SCN9A: variants seen among roughly 807,000 people sequenced by gnomAD.
SCN9A encodes the protein sodium voltage-gated channel alpha subunit 9, also known as sodium channel protein type 9 subunit alpha.
In SCN9A, 131 loss-of-function variants were observed where a neutral mutation model predicts 187.0. The observed-to-expected ratio is 0.70, with a 90% CI of 0.61 to 0.81. SCN9A has a LOEUF of 0.81. SCN9A is among the 30% of genes least tolerant of loss of function. The pLI is 0.00. For synonymous variants in SCN9A, 809 were observed against 808.6 expected (o/e 1.00, Z -0.01); for missense variants, 2,252 against 2,396.6 (o/e 0.94, Z 1.26).
chr2:166,254,212 TAACATG>T (rs1437971581), intron 17 of SCN9A, among the ~76,000 whole-genome samples: 1 of 151,666 alleles, frequency 6.6e-6, no homozygotes, highest in Admixed American at 6.6e-5. Flanking sequence ...TCAAAATATT[TAACATG>T]AACTATTATT....
intron 16 of SCN9A, among the ~76,000 whole-genome samples, chr2:166,276,164 A>G (rs1418648110): frequency 6.6e-6 from 1 of 152,150 alleles, no homozygotes; most frequent in South Asian, 2.1e-4. Context: ...GAAGAAAAAA[A>G]ATAAAAAAAA....
intron 24 of SCN9A, among the ~76,000 whole-genome samples, chr2:166,216,358 A>G (rs1694331712): frequency 6.6e-6 from 1 of 152,062 alleles, no homozygotes; most frequent in African/African-American, 2.4e-5. Context: ...CTTCTTTTTG[A>G]CATAGTACTA....
chr2:166,221,825 T>A (rs80066417), intron 24 of SCN9A, among the ~76,000 whole-genome samples: 2 of 151,998 alleles, frequency 1.3e-5, no homozygotes, highest in Non-Finnish European at 1.5e-5. Context: ...CATGCATAAA[T>A]AGTTAACTCA....
chr2:166,199,845 C>A lies in SCN9A; in HGVS notation c.4794G>T (p.Leu1598Phe). The A allele has an allele frequency of 3.1e-6, 5 of 1,613,598 alleles. No individual in the cohort carries two copies. The highest frequency in any genetic ancestry group is 4.2e-6 in the Non-Finnish European group (5 of 1,179,814). Residue 1598 changes from leucine to phenylalanine, a missense_variant, in exon 27 of 27, where the codon TTG (leucine) becomes TTT (phenylalanine). Transcript: ENST00000642356. ...TAGGGGACACAAAATACGTTTCAAT[C>A]AAATCAGCTAGAAACATACCTGTAT... ...ISIVGMFLAD[L>F]IETYFVSPTL...
rs73969654 is a variant in SCN9A at position 166,283,739 on chromosome 2, T to C, written c.1974+714A>G. ...TGAAAACAGTTATGTTTCATTTATA[T>C]GGAGGACCTAATACATAGCCATTCT... On this transcript the variant is annotated intron_variant, in intron 12 of 26. Transcript: ENST00000642356. Among the ~76,000 whole-genome samples the C allele has an allele frequency of 7.9e-3, 1,206 of 152,314 alleles. 12 individuals are homozygous for C. Among genetic ancestry groups the C allele is most frequent in the African/African-American group, 0.027 (1,142 of 41,570 alleles).
chr2:166,231,879 C>T (rs1185312395), intron 21 of SCN9A, among the ~76,000 whole-genome samples: 1 of 151,998 alleles, frequency 6.6e-6, no homozygotes, highest in Non-Finnish European at 1.5e-5. Flanking sequence ...GACTAATCTC[C>T]GTGTTAAATT....
chr2:166,275,615 C>A (rs753679518), intron 16 of SCN9A, among the ~76,000 whole-genome samples: 3 of 151,308 alleles, frequency 2.0e-5, no homozygotes, highest in African/African-American at 4.9e-5. Flanking sequence ...GCAAATCCTG[C>A]TATAGGAGCT....
intron 7 of SCN9A, among the ~76,000 whole-genome samples, chr2:166,298,316 C>T (rs1269873205): frequency 6.6e-6 from 1 of 152,142 alleles, no homozygotes; most frequent in Admixed American, 6.5e-5. Context: ...CCCAATATAA[C>T]CACAGTATAT....
chr2:166,347,834 A>C (rs1037857812), intron 1 of SCN9A, among the ~76,000 whole-genome samples: 5 of 152,192 alleles, frequency 3.3e-5, no homozygotes, highest in African/African-American at 9.7e-5. Flanking sequence ...CAGAATTTAA[A>C]GAGGCTGTTA....
intron 1 of SCN9A, among the ~76,000 whole-genome samples, chr2:166,319,517 C>A (rs1699187824): frequency 6.6e-6 from 1 of 152,036 alleles, no homozygotes; most frequent in African/African-American, 2.4e-5. Context: ...AGAATTGAAG[C>A]AGAGAGGATC....
chr2:166,366,488 G>T (rs1700419945), intron 1 of SCN9A, among the ~76,000 whole-genome samples: 2 of 152,134 alleles, frequency 1.3e-5, no homozygotes, highest in Admixed American at 6.5e-5. Context: ...AAACACAGAA[G>T]TGCATATATC....
chr2:166,233,146 A>AATGCATACTATATAGTATACAT (rs1368207896), intron 21 of SCN9A, among the ~76,000 whole-genome samples, 194 bp downstream of exon 21: 2 of 144,740 alleles, frequency 1.4e-5, no homozygotes, highest in South Asian at 2.1e-4. Context: ...ATAGTATGTA[A>AATGCATACTATATAGTATACAT]ATGCATACTA....
chr2:166,336,816 T>A (rs1055801082), intron 1 of SCN9A, among the ~76,000 whole-genome samples: 12 of 152,152 alleles, frequency 7.9e-5, no homozygotes, highest in African/African-American at 2.9e-4. Context: ...ACTCCTTTTA[T>A]AGTACACTTA....
intron 7 of SCN9A, 123 bp downstream of exon 7, chr2:166,302,967 G>A (rs1240737549): frequency 1.3e-6 from 1 of 789,106 alleles, no homozygotes; most frequent in Admixed American, 2.8e-5. Flanking sequence ...TCACACTGTA[G>A]CAGCTTTCTA....
At chr2:166,241,763 G>T (rs1319142085) in intron 19 of SCN9A, among the ~76,000 whole-genome samples, 1 of 152,072 alleles carries the variant, frequency 6.6e-6, no homozygotes, top group Non-Finnish European at 1.5e-5. Flanking sequence ...TTACTCATTT[G>T]TATTCTTCTC....
intron 1 of SCN9A, among the ~76,000 whole-genome samples, chr2:166,342,358 G>T (rs1006913448): frequency 1.3e-5 from 2 of 152,240 alleles, no homozygotes; most frequent in East Asian, 1.9e-4. Flanking sequence ...GGCCAGTCAT[G>T]ACCCCTTCAA....
At chr2:166,218,769 A>T (rs1048814655) in intron 24 of SCN9A, among the ~76,000 whole-genome samples, 3 of 152,206 alleles carry the variant, frequency 2.0e-5, no homozygotes, top group African/African-American at 2.4e-5. Context: ...AACTATCAAC[A>T]GAGTAAGCAG....
chr2:166,302,968 C>T, intron 7 of SCN9A, 122 bp downstream of exon 7: 1 of 793,256 alleles, frequency 1.3e-6, no homozygotes, highest in East Asian at 2.7e-5. Flanking sequence ...CACACTGTAG[C>T]AGCTTTCTAT....
At chr2:166,204,517 A>C (rs1693704573) in intron 24 of SCN9A, 53 bp from the exon 25 acceptor site, 1 of 1,132,374 alleles carries the variant, frequency 8.8e-7, no homozygotes, top group Admixed American at 2.3e-5. Context: ...CATTGTCTAC[A>C]TCTTTCTATA....
Sources: gnomAD v4.1 joint callset for allele counts (sites outside exome capture counted in the v4.1 genomes callset) on GRCh38, gnomAD v4.1.1 for gene constraint, MANE v1.5 for transcripts, NCBI Gene and HGNC (gene_info 2026-07-23, HGNC 2026-07-21) for gene names.